Variants in PLAC8 observed in about 807,000 individuals in gnomAD.
The protein encoded by PLAC8 is placenta associated 8, also known as placenta-specific gene 8 protein.
Under a neutral mutation model 12.6 loss-of-function variants are expected in PLAC8, and 6 were observed. The ratio of observed to expected loss-of-function variants is 0.48; its 90% CI spans 0.26 to 0.94. PLAC8 has a LOEUF of 0.94. Among genes scored for constraint, PLAC8 ranks in the 40% least tolerant of loss-of-function variants. The probability of loss-of-function intolerance (pLI) is 0.14; values close to 1 mark genes in which losing one functional copy is unlikely to be tolerated. For missense variants in PLAC8, 122 were observed against 152.7 expected, an observed-to-expected ratio of 0.80 and a Z score of 1.06; for synonymous variants, 54 against 52.6, an observed-to-expected ratio of 1.03 and a Z score of -0.11.
At chr4:83,103,500 C>G (rs1732159323) in intron 3 of PLAC8, among the ~76,000 whole-genome samples, 1 of 152,156 alleles carries the variant, frequency 6.6e-6, no homozygotes, top group Non-Finnish European at 1.5e-5. Context: ...TGAGAATATT[C>G]CATAAGCTTA....
intron 3 of PLAC8, among the ~76,000 whole-genome samples, chr4:83,097,319 TTAAA>T (rs1443002342): frequency 6.6e-6 from 1 of 152,146 alleles, no homozygotes; most frequent in Non-Finnish European, 1.5e-5. Flanking sequence ...AAAAAAGCAC[TTAAA>T]TAAAATATTT....
At chr4:83,103,162 C>T (rs924358595) in intron 3 of PLAC8, among the ~76,000 whole-genome samples, 1 of 151,386 alleles carries the variant, frequency 6.6e-6, no homozygotes, top group African/African-American at 2.4e-5. Context: ...TGTGGGAGGC[C>T]GAGGCGGGCG....
At chr4:83,092,948 C>T (rs1021971920) in intron 4 of PLAC8, 6 of 151,642 alleles carry the variant, frequency 4.0e-5, no homozygotes, top group Non-Finnish European at 1.5e-5. Context: ...AGGCGTGCAC[C>T]ACCACACCTA....
rs997922244 is a variant in PLAC8, at chr4:83,107,750, C to G, written c.118+54G>C. The G allele has an allele frequency of 6.2e-6, 6 of 965,476 alleles. No homozygotes were observed. In the Admixed American group the frequency reaches 1.3e-4, roughly 21 times the overall value. The allele number at this position is 965,476 out of a possible 1,614,324, so 59.8% of individuals were successfully genotyped here. On this transcript the variant is annotated intron_variant, in intron 2 of 4. Transcript: ENST00000311507. ...GGGAGGAATGGGGGAAGGATTGAGT[C>G]ATTGGTAATTCACCTCGGTATCAAA... is the stretch of plus-strand genomic sequence containing the variant.
rs548129394 is a variant in PLAC8 at position 83,108,846 on chromosome 4, T to A, written c.-29-896A>T. ...GTATATCCCCCCTTCTTGTTCCTAA[T>A]TTATTCTTTTTTGTTTTGGACTGAT... On this transcript the variant is annotated intron_variant, in intron 1 of 4. Transcript: ENST00000311507. Among the ~76,000 whole-genome samples the A allele has an allele frequency of 4.4e-3, 674 of 152,322 alleles. 3 individuals carry two copies. The highest frequency in any genetic ancestry group is 0.015 in the African/African-American group (630 of 41,570).
intron 1 of PLAC8, among the ~76,000 whole-genome samples, chr4:83,108,375 T>C (rs575113654): frequency 1.3e-5 from 2 of 152,046 alleles, no homozygotes; most frequent in African/African-American, 4.8e-5. Flanking sequence ...GACGGATCAT[T>C]TGAGGTCAGG....
In PLAC8 at chr4:83,102,036, T is replaced by C. The variant is rs568404467; in HGVS notation, c.243+2860A>G. On this transcript the variant is annotated intron_variant, in intron 3 of 4. Transcript: ENST00000311507. ...TGATGAAGACATACAAAGAGATTAA[T>C]GTTATTTTCATGCCTTCTAAAAGAA... 4.1e-4 allele frequency among the ~76,000 whole-genome samples: 63 copies of C among 152,290 alleles called. 1 individual carries two copies. Among genetic ancestry groups the C allele is most frequent in the South Asian group, 3.9e-3 (19 of 4,830 alleles).
chr4:83,095,814 C>T (rs1243654857), intron 3 of PLAC8, among the ~76,000 whole-genome samples: 2 of 152,204 alleles, frequency 1.3e-5, no homozygotes, highest in Admixed American at 6.5e-5. Context: ...TTTAAAAACA[C>T]TTCGTTTCAG....
intron 3 of PLAC8, among the ~76,000 whole-genome samples, chr4:83,096,010 G>C (rs1299640621): frequency 1.3e-5 from 2 of 152,214 alleles, no homozygotes; most frequent in African/African-American, 2.4e-5. Flanking sequence ...GGGAGGGTCA[G>C]AATCTTGTAG....
intron 4 of PLAC8, among the ~76,000 whole-genome samples, chr4:83,091,647 T>G (rs534901602): frequency 6.6e-6 from 1 of 152,292 alleles, no homozygotes; most frequent in Admixed American, 6.5e-5. Flanking sequence ...TGCTGTACTT[T>G]TTGGAAGGAA....
At chr4:83,100,917 G>A (rs1189038129) in intron 3 of PLAC8, among the ~76,000 whole-genome samples, 5 of 152,114 alleles carry the variant, frequency 3.3e-5, no homozygotes, top group African/African-American at 4.8e-5. Flanking sequence ...ATGCTACTCC[G>A]GTGAACATAA....
intron 2 of PLAC8, among the ~76,000 whole-genome samples, chr4:83,107,591 T>C (rs1277461210): frequency 1.5e-5 from 2 of 131,456 alleles, no homozygotes; most frequent in East Asian, 4.8e-4. Context: ...TTTGAAGGGC[T>C]GGAGAAAATT....
At chr4:83,094,481 A>C in intron 4 of PLAC8, 197 bp downstream of exon 4, 1 of 447,744 alleles carries the variant, frequency 2.2e-6, no homozygotes, top group Non-Finnish European at 4.0e-6. Flanking sequence ...TTTATTTACT[A>C]AAATATGGTT....
chr4:83,094,772 T>C lies in PLAC8; in HGVS notation c.263A>G (p.Tyr88Cys). 3 of 1,589,176 alleles carry C rather than the reference T, an allele frequency of 1.9e-6. No homozygotes were observed. Among genetic ancestry groups the C allele is most frequent in the Admixed American group, 3.5e-5 (2 of 56,356 alleles). ...ATGAGGACAGCAAAGAGTTGCCATA[T>C]AGTCATCACAAATAGATCCCTGTTT... ...YGIPGSICDD[Y>C]MATLCCPHCT... Residue 88 changes from tyrosine (Y) to cysteine (C), a missense_variant, in exon 4 of 5, where the codon TAT (tyrosine) becomes TGT (cysteine). By Grantham distance (194) the Tyr-to-Cys change is radical. Transcript: ENST00000311507.
intron 1 of PLAC8, among the ~76,000 whole-genome samples, chr4:83,111,494 T>TA (rs954004347): frequency 4.7e-5 from 7 of 148,812 alleles, no homozygotes; most frequent in African/African-American, 9.9e-5. Flanking sequence ...AATAAAAAAA[T>TA]AAAAAAAAAG....
chr4:83,106,384 G>A (rs761774547), intron 2 of PLAC8, among the ~76,000 whole-genome samples: 3 of 151,940 alleles, frequency 2.0e-5, no homozygotes, highest in Non-Finnish European at 2.9e-5. Flanking sequence ...TTGGAAGGCC[G>A]AGGTGGGCAG....
intron 1 of PLAC8, among the ~76,000 whole-genome samples, 172 bp downstream of exon 1, chr4:83,114,494 G>T (rs140853673): frequency 6.6e-6 from 1 of 152,038 alleles, no homozygotes; most frequent in Non-Finnish European, 1.5e-5. Context: ...TGTTGAATTT[G>T]ACTAAATGTA....
intron 4 of PLAC8, among the ~76,000 whole-genome samples, chr4:83,092,040 T>C (rs1037914756): frequency 2.6e-4 from 40 of 152,182 alleles, no homozygotes; most frequent in African/African-American, 8.9e-4. Flanking sequence ...TCCTTGCTCT[T>C]TCTCTCTTGT....
At chr4:83,106,937 C>T (rs1578743492) in intron 2 of PLAC8, among the ~76,000 whole-genome samples, 2 of 152,274 alleles carry the variant, frequency 1.3e-5, no homozygotes, top group African/African-American at 4.8e-5. Context: ...CGGTGGCTCA[C>T]GCTTGTAATC....
Sources: gnomAD v4.1 joint callset for allele counts (sites outside exome capture counted in the v4.1 genomes callset) on GRCh38, gnomAD v4.1.1 for gene constraint, MANE v1.5 for transcripts, NCBI Gene and HGNC (gene_info 2026-07-23, HGNC 2026-07-21) for gene names.